Variants in CTTN observed in about 807,000 individuals in gnomAD.
CTTN encodes cortactin, also known as src substrate cortactin.
CTTN carries 28 observed loss-of-function variants against 84.0 expected under a neutral mutation model. The observed-to-expected ratio is 0.33, with a 90% confidence interval of 0.25 to 0.46. The LOEUF is 0.46. Ranked by LOEUF, CTTN falls within the 20% of genes least tolerant of loss-of-function variation. CTTN has a pLI of 1.00. For missense variants in CTTN, 641 were observed against 723.8 expected, an observed-to-expected ratio of 0.89 and a Z score of 1.31; for synonymous variants, 301 against 288.8, an observed-to-expected ratio of 1.04 and a Z score of -0.43.
chr11:70,415,484 C>T (rs146410209), intron 6 of CTTN, among the ~76,000 whole-genome samples, 179 bp from the exon 7 acceptor site: 13 of 152,284 alleles, frequency 8.5e-5, no homozygotes, highest in Admixed American at 1.3e-4. Context: ...TGGGCCTGTC[C>T]GTTTAGGATG....
In CTTN at chr11:70,415,539, C is replaced by T; in HGVS notation, c.403-124C>T. 5.5e-6 allele frequency: 5 copies of T among 909,718 alleles called. No homozygotes were observed. In the East Asian group the frequency reaches 9.8e-5, roughly 18 times the overall value. The allele number at this position is 909,718 out of a possible 1,614,324, so 56.4% of individuals were successfully genotyped here. A position where few individuals can be genotyped will look rare whatever the true frequency, so the allele number is the denominator to read the frequency against. ...GCCACCTGCACCTGGCTTAGGAACC[C>T]AGAGGTCACAGCATCATGTGTTTCA... On this transcript the variant is annotated intron_variant, in intron 6 of 17. Transcript: ENST00000301843.
At chr11:70,401,877 G>A (rs561585690) in intron 1 of CTTN, among the ~76,000 whole-genome samples, 7 of 151,830 alleles carry the variant, frequency 4.6e-5, no homozygotes, top group Non-Finnish European at 5.9e-5. Flanking sequence ...GCTTTTAGGC[G>A]CGGTGGTTCG....
In CTTN at chr11:70,435,905, G is replaced by A. The variant is rs983219857; in HGVS notation, c.*743G>A. 1.3e-4 allele frequency: 188 copies of A among 1,471,948 alleles called. No homozygotes were observed. Among genetic ancestry groups the A allele is most frequent in the Admixed American group, 3.0e-4 (11 of 37,048 alleles). 91.2% of individuals were successfully genotyped at this position (1,471,948 alleles called of 1,614,324 possible). ...AGTCCTTGAAATCCTCCCCTGCCCCGCGGGTCTCTGGATTGGGACGCACAG... is the reference window on the plus strand; with the variant it reads ...AGTCCTTGAAATCCTCCCCTGCCCCACGGGTCTCTGGATTGGGACGCACAG... On this transcript the variant is annotated 3_prime_UTR_variant, in exon 18 of 18. Transcript: ENST00000301843.
At chr11:70,431,076 C>A in intron 14 of CTTN, 115 bp from the exon 15 acceptor site, 1 of 1,085,682 alleles carries the variant, frequency 9.2e-7, no homozygotes, top group Non-Finnish European at 1.4e-6. Context: ...GGGTGTTTTC[C>A]ACTCCTTTCC....
Position 70,435,308 on chromosome 11 carries a change from T to A in CTTN, c.*146T>A, listed in dbSNP as rs1031349742. The A allele has an allele frequency of 1.4e-6, 2 of 1,416,878 alleles. No individual in the cohort carries two copies. The highest frequency in any genetic ancestry group is 3.0e-5 in the Admixed American group (1 of 32,982). 87.8% of individuals were successfully genotyped at this position (1,416,878 alleles called of 1,614,324 possible). On this transcript the variant is annotated 3_prime_UTR_variant, in exon 18 of 18. Transcript: ENST00000301843. ...GTGGGGAGGGGAATATACACATTGCTTTTATATTTAATACTTTTGCTGATG... is the reference window on the plus strand; with the variant it reads ...GTGGGGAGGGGAATATACACATTGCATTTATATTTAATACTTTTGCTGATG...
Position 70,429,106 on chromosome 11 carries a change from A to G in CTTN, c.1083A>G (p.Lys361=). 3 of 1,614,236 alleles carry G rather than the reference A, an allele frequency of 1.9e-6. No homozygotes were observed. Among genetic ancestry groups the G allele is most frequent in the East Asian group, 2.2e-5 (1 of 44,880 alleles). The change falls in exon 14 of 18, where the codon AAA becomes AAG. Residue 361 remains lysine (K), a synonymous_variant. Coordinates refer to ENST00000301843, the MANE Select transcript of CTTN (RefSeq NM_005231.4). ...ACTTTGAAAACCTCGCTAAGGAGAA[A>G]GAGCAGGAGGACAGGCGGAAGGCGG... ...RANFENLAKE[K]EQEDRRKAEA...
At chr11:70,424,359 C>T (rs946198400) in intron 12 of CTTN, among the ~76,000 whole-genome samples, 25 of 152,144 alleles carry the variant, frequency 1.6e-4, no homozygotes, top group African/African-American at 6.0e-4. Context: ...CTTGTGAGCA[C>T]GTGAGGAGGC....
intron 16 of CTTN, 128 bp downstream of exon 16, chr11:70,433,406 G>C (rs2135598820): frequency 9.8e-7 from 1 of 1,023,196 alleles, no homozygotes; most frequent in East Asian, 2.6e-5. Flanking sequence ...CTTGCTATAG[G>C]GTCTTCTTGT....
Position 70,433,222 on chromosome 11 carries a change from C to G in CTTN, c.1388C>G (p.Ala463Gly). ...YREASSQQGL[A>G]YATEAVYESA... The stretch of plus-strand genomic sequence containing the variant: ...GAGGCCAGCAGCCAGCAGGGCCTGG[C>G]CTATGCCACAGAGGCTGTCTATGAA... Residue 463 changes from alanine (A) to glycine (G), a missense_variant, in exon 16 of 18, where the codon GCC becomes GGC. Coordinates refer to ENST00000301843, the MANE Select transcript of CTTN (RefSeq NM_005231.4). The G allele has an allele frequency of 6.2e-7, 1 of 1,613,410 alleles. No individual in the cohort carries two copies. Among genetic ancestry groups the G allele is most frequent in the Non-Finnish European group, 8.5e-7 (1 of 1,179,982 alleles).
At position 70,435,898 on chromosome 11, in the gene CTTN, C is replaced by T. The variant is rs1487849111; in HGVS notation, c.*736C>T. The T allele has an allele frequency of 2.7e-6, 4 of 1,478,620 alleles. No individual in the cohort carries two copies. Among genetic ancestry groups the T allele is most frequent in the East Asian group, 2.5e-5 (1 of 40,474 alleles). The allele number at this position is 1,478,620 out of a possible 1,614,324, so 91.6% of individuals were successfully genotyped here. A position where few individuals can be genotyped will look rare whatever the true frequency, so the allele number is the denominator to read the frequency against. On this transcript the variant is annotated 3_prime_UTR_variant, in exon 18 of 18. Transcript: ENST00000301843. Reference sequence around the variant, plus strand: ...GTCACTGAGTCCTTGAAATCCTCCCCTGCCCCGCGGGTCTCTGGATTGGGA... The same window carrying T: ...GTCACTGAGTCCTTGAAATCCTCCCTTGCCCCGCGGGTCTCTGGATTGGGA...
intron 14 of CTTN, among the ~76,000 whole-genome samples, chr11:70,429,499 C>T (rs977207773): frequency 4.6e-5 from 7 of 152,182 alleles, no homozygotes; most frequent in Admixed American, 6.5e-5. Flanking sequence ...AGAGTCTTGT[C>T]GGCTTCCACC....
chr11:70,422,875 C>T (rs932316152), intron 11 of CTTN, 65 bp from the exon 12 acceptor site: 1 of 1,610,852 alleles, frequency 6.2e-7, no homozygotes, highest in Non-Finnish European at 8.5e-7. Context: ...TGTCTGCATG[C>T]ACCCACGGCC....
chr11:70,423,926 GGGTGTGGT>G (rs949142491), intron 12 of CTTN, among the ~76,000 whole-genome samples: 23 of 152,208 alleles, frequency 1.5e-4, no homozygotes, highest in Non-Finnish European at 3.1e-4. Context: ...CTGGGCAGAG[GGGTGTGGT>G]CCTGAAGAGA....
chr11:70,407,329 C>A lies in CTTN; in HGVS notation c.32C>A (p.Ser11Tyr). Residue 11 changes from serine (S) to tyrosine (Y), a missense_variant, in exon 3 of 18, where the codon TCC (serine) becomes TAC (tyrosine). Physicochemically the swap from Ser to Tyr is moderately radical, Grantham distance 144. Around this residue, in one of 3 missense-constraint regions of CTTN, gnomAD observed 284 missense variants for 348.4 expected, o/e 0.82. Transcript: ENST00000301843. MWKASAGHAV[S>Y]IAQDDAGADD... The stretch of plus-strand genomic sequence containing the variant: ...AAAGCTTCAGCAGGCCACGCTGTGT[C>A]CATCGCCCAGGATGACGCGGGGGCC... The A allele has an allele frequency of 6.4e-7, 1 of 1,556,482 alleles. No homozygotes were observed.
chr11:70,401,213 G>A (rs2057974900), intron 1 of CTTN, among the ~76,000 whole-genome samples: 1 of 152,090 alleles, frequency 6.6e-6, no homozygotes, highest in South Asian at 2.1e-4. Context: ...GCTCACACCT[G>A]TAATCCCAGC....
Position 70,422,993 on chromosome 11 carries a change from A to G in CTTN, c.955A>G (p.Lys319Glu). 6.2e-7 allele frequency: 1 copy of G among 1,613,668 alleles called. No individual in the cohort carries two copies. The highest frequency in any genetic ancestry group is 2.2e-5 in the East Asian group (1 of 44,810). The part of the protein sequence containing the change: ...KYGVQKDRMD[K>E]NASTFEDVTQ... ...TGGGGTGCAGAAGGATCGGATGGAT[A>G]AGGTAAATATTCCAGCCCCGGAGCT... is the stretch of plus-strand genomic sequence containing the variant. Residue 319 changes from lysine (K) to glutamate (E), a missense_variant and splice_region_variant, in exon 12 of 18, where the codon AAG becomes GAG. Around this residue, in one of 3 missense-constraint regions of CTTN, gnomAD observed 289 missense variants for 273.1 expected, o/e 1.06. Coordinates refer to ENST00000301843, the MANE Select transcript of CTTN (RefSeq NM_005231.4).
At chr11:70,425,708 T>C (rs1281827670) in intron 13 of CTTN, among the ~76,000 whole-genome samples, 11 of 152,160 alleles carry the variant, frequency 7.2e-5, no homozygotes, top group Admixed American at 7.2e-4. Context: ...GACCAGCTTC[T>C]GGGAGCAGCT....
rs2058409727 is a variant in CTTN, at chr11:70,435,642, G to A, written c.*480G>A. ...TCACTGCTGGGGAGGAGAGGACTGG[G>A]CCTGATGGAAGTTAACCCGGAGCTA... On this transcript the variant is annotated 3_prime_UTR_variant, in exon 18 of 18. Transcript: ENST00000301843. 1 of 1,595,426 alleles carries A rather than the reference G, an allele frequency of 6.3e-7. No homozygotes were observed. Among genetic ancestry groups the A allele is most frequent in the Non-Finnish European group, 8.5e-7 (1 of 1,178,528 alleles).
chr11:70,426,483 A>G (rs958200951), intron 13 of CTTN, among the ~76,000 whole-genome samples: 2 of 151,682 alleles, frequency 1.3e-5, no homozygotes, highest in Non-Finnish European at 2.9e-5. Flanking sequence ...TTGCTGTGTC[A>G]TCCAGGCAGG....
Sources: allele counts gnomAD v4.1 joint callset (sites outside exome capture counted in the v4.1 genomes callset), GRCh38; gene constraint gnomAD v4.1.1; regional missense constraint gnomAD v4.1.1; transcripts MANE v1.5; gene names NCBI Gene and HGNC (gene_info 2026-07-23, HGNC 2026-07-21).